The following ITGB3BP variants were observed in gnomAD, a reference collection of about 807,000 sequenced individuals.
ITGB3BP encodes the protein centromere protein R.
ITGB3BP carries 27 observed loss-of-function variants against 29.1 expected under a neutral mutation model. The observed-to-expected ratio is 0.93, with a 90% CI of 0.68 to 1.28. The LOEUF (loss-of-function observed/expected upper bound fraction) is 1.28. Ranked by LOEUF, ITGB3BP falls within the 50% of genes most tolerant of loss-of-function variation. The pLI is 0.00. For synonymous variants in ITGB3BP, 61 were observed against 61.4 expected (o/e 0.99, Z 0.03); for missense variants, 192 against 200.2 (o/e 0.96, Z 0.25).
chr1:63,475,461 G>A (rs1442302002), intron 4 of ITGB3BP, among the ~76,000 whole-genome samples: 1 of 152,148 alleles, frequency 6.6e-6, no homozygotes, highest in Non-Finnish European at 1.5e-5. Context: ...AGGCTGAGGT[G>A]GGAGGATAAC....
At chr1:63,508,174 T>C (rs189776844) in intron 2 of ITGB3BP, among the ~76,000 whole-genome samples, 105 of 152,322 alleles carry the variant, frequency 6.9e-4, no homozygotes, top group African/African-American at 2.4e-3. Flanking sequence ...CAGATTATAG[T>C]ATGCAGATTA....
chr1:63,469,904 A>C (rs899993150), intron 4 of ITGB3BP, among the ~76,000 whole-genome samples: 1 of 152,312 alleles, frequency 6.6e-6, no homozygotes. Flanking sequence ...CCCACGCTGT[A>C]AGGTTGTGGG....
chr1:63,486,125 T>G (rs1645524529), intron 3 of ITGB3BP, among the ~76,000 whole-genome samples: 1 of 152,086 alleles, frequency 6.6e-6, no homozygotes, highest in Non-Finnish European at 1.5e-5. Context: ...TCCTTTTATC[T>G]CTCTGTACTA....
At chr1:63,442,043 T>A (rs1040268731) in intron 8 of ITGB3BP, among the ~76,000 whole-genome samples, 1 of 152,194 alleles carries the variant, frequency 6.6e-6, no homozygotes, top group Non-Finnish European at 1.5e-5. Context: ...GAGCTATGAT[T>A]GCACCATTGC....
At chr1:63,463,215 C>T (rs1418719293) in intron 4 of ITGB3BP, among the ~76,000 whole-genome samples, 2 of 141,306 alleles carry the variant, frequency 1.4e-5, no homozygotes, top group Non-Finnish European at 3.0e-5. Flanking sequence ...TGCCATTGCA[C>T]TCCAGCATGG....
At chr1:63,490,951 AT>A (rs1570246653) in intron 2 of ITGB3BP, among the ~76,000 whole-genome samples, 1 of 152,170 alleles carries the variant, frequency 6.6e-6, no homozygotes, top group African/African-American at 2.4e-5. Context: ...AGTCCAGTAA[AT>A]TTGGCCATCT....
At chr1:63,493,966 A>G (rs1645725684) in intron 2 of ITGB3BP, among the ~76,000 whole-genome samples, 1 of 152,232 alleles carries the variant, frequency 6.6e-6, no homozygotes. Flanking sequence ...ATAATTCTTC[A>G]TAAACTTATG....
intron 8 of ITGB3BP, among the ~76,000 whole-genome samples, chr1:63,442,203 TCA>T (rs1215142229): frequency 6.6e-6 from 1 of 152,228 alleles, no homozygotes; most frequent in Non-Finnish European, 1.5e-5. Context: ...ATAATACTTC[TCA>T]GTCTGAAGGG....
chr1:63,503,674 T>C (rs915698479), intron 2 of ITGB3BP, among the ~76,000 whole-genome samples: 1 of 152,050 alleles, frequency 6.6e-6, no homozygotes, highest in East Asian at 1.9e-4. Flanking sequence ...TAATCCATCT[T>C]GAATTAATTT....
At chr1:63,499,957 C>G (rs906604576) in intron 2 of ITGB3BP, among the ~76,000 whole-genome samples, 2 of 152,172 alleles carry the variant, frequency 1.3e-5, no homozygotes, top group African/African-American at 4.8e-5. Flanking sequence ...CTTGCCACTT[C>G]TACTTAATAT....
intron 4 of ITGB3BP, among the ~76,000 whole-genome samples, chr1:63,456,775 G>C (rs1168191697): frequency 2.6e-5 from 4 of 152,120 alleles, no homozygotes; most frequent in Non-Finnish European, 5.9e-5. Flanking sequence ...CTGCCATCTT[G>C]AATGTCTCCA....
chr1:63,509,279 A>G (rs1646147362), intron 1 of ITGB3BP, among the ~76,000 whole-genome samples: 1 of 152,234 alleles, frequency 6.6e-6, no homozygotes, highest in Non-Finnish European at 1.5e-5. Context: ...TATTTCATAC[A>G]GCTGTCTTCT....
At chr1:63,501,200 G>A (rs1169069981) in intron 2 of ITGB3BP, among the ~76,000 whole-genome samples, 1 of 152,032 alleles carries the variant, frequency 6.6e-6, no homozygotes, top group African/African-American at 2.4e-5. Flanking sequence ...AACTCAAAAT[G>A]GAAGACCTAA....
intron 4 of ITGB3BP, among the ~76,000 whole-genome samples, chr1:63,466,740 T>C (rs1232785944): frequency 6.6e-6 from 1 of 152,202 alleles, no homozygotes; most frequent in East Asian, 1.9e-4. Flanking sequence ...GACAAAGCAT[T>C]CATGAAACAA....
At chr1:63,449,455 G>A (rs1213150359) in intron 7 of ITGB3BP, 2 of 151,938 alleles carry the variant, frequency 1.3e-5, no homozygotes, top group Non-Finnish European at 2.9e-5. Context: ...TTATTTAAAA[G>A]GCTTTGAAAA....
At chr1:63,445,827 C>T (rs1011258247) in intron 8 of ITGB3BP, among the ~76,000 whole-genome samples, 9 of 152,034 alleles carry the variant, frequency 5.9e-5, no homozygotes, top group African/African-American at 1.9e-4. Flanking sequence ...TGGGCTCAAG[C>T]GATCCTCTCA....
At chr1:63,516,191 G>A (rs914684365) in intron 1 of ITGB3BP, among the ~76,000 whole-genome samples, 1 of 150,614 alleles carries the variant, frequency 6.6e-6, no homozygotes, top group African/African-American at 2.4e-5. Flanking sequence ...GGGAGGCTGA[G>A]CTGAGCAGAT....
At chr1:63,472,666 G>A (rs1317460834) in intron 4 of ITGB3BP, among the ~76,000 whole-genome samples, 2 of 150,792 alleles carry the variant, frequency 1.3e-5, no homozygotes, top group East Asian at 3.9e-4. Context: ...TGGTGGAGAC[G>A]GGGTTTTGCT....
At chr1:63,470,540 C>G (rs940460036) in intron 4 of ITGB3BP, among the ~76,000 whole-genome samples, 30 of 152,146 alleles carry the variant, frequency 2.0e-4, no homozygotes, top group African/African-American at 7.0e-4. Flanking sequence ...CCTTTTGTGT[C>G]TAGTTTTTTC....
Sources: allele counts gnomAD v4.1 joint callset (sites outside exome capture counted in the v4.1 genomes callset), GRCh38; gene constraint gnomAD v4.1.1; transcripts MANE v1.5; gene names NCBI Gene and HGNC (gene_info 2026-07-23, HGNC 2026-07-21).